The following SPAG11A variants were observed in gnomAD, a reference collection of about 807,000 sequenced individuals.
The protein encoded by SPAG11A is sperm associated antigen 11A.
In SPAG11A, 2 loss-of-function variants were observed where a neutral mutation model predicts 5.5. The observed-to-expected ratio is 0.37, with a 90% CI of 0.15 to 1.15. The LOEUF is 1.15. Ranked by LOEUF, SPAG11A falls within the 50% of genes most tolerant of loss-of-function variation. The pLI is 0.38. For missense variants in SPAG11A, 24 were observed against 122.5 expected (o/e 0.20, Z 3.80); for synonymous variants, 11 against 42.7 (o/e 0.26, Z 2.90).
At chr8:7,860,219 T>G (rs1300885725) in intron 2 of SPAG11A, 2 of 743,784 alleles carry the variant, frequency 2.7e-6, no homozygotes, top group East Asian at 4.3e-5. Flanking sequence ...CTTTTCGTTG[T>G]AGGACATAAA....
chr8:7,860,039 G>C (rs1320706542), intron 2 of SPAG11A, among the ~76,000 whole-genome samples: 1 of 150,686 alleles, frequency 6.6e-6, no homozygotes, highest in East Asian at 2.0e-4. Flanking sequence ...TGTTGCTGCT[G>C]TTGTTGCTGC....
intron 2 of SPAG11A, among the ~76,000 whole-genome samples, chr8:7,852,723 C>G (rs1369995885): frequency 1.3e-5 from 2 of 149,178 alleles, no homozygotes; most frequent in African/African-American, 2.4e-5. Context: ...TTCCCTTTCT[C>G]TGGAATGCCT....
At chr8:7,854,519 A>C (rs2737563) in intron 2 of SPAG11A, among the ~76,000 whole-genome samples, 28,084 of 133,914 alleles carry the variant, frequency 0.21, 479 homozygotes, top group East Asian at 0.34. Flanking sequence ...GGATTCATAA[A>C]AAACAGGTAG....
In SPAG11A at chr8:7,860,460, C is replaced by A. The variant is rs748392904; in HGVS notation, c.215-186C>A. ...AAAACACACCCTATCATCCTCCTGG[C>A]AACATTTCAGATATAAATTATCGTT... On this transcript the variant is annotated intron_variant, in intron 2 of 2. Transcript: ENST00000642566. 1.9e-5 allele frequency: 27 copies of A among 1,417,164 alleles called. 10 individuals are homozygous for A. In the East Asian group the frequency reaches 7.9e-4, roughly 42 times the overall value. The allele number at this position is 1,417,164 out of a possible 1,614,324, so 87.8% of individuals were successfully genotyped here. A position where few individuals can be genotyped will look rare whatever the true frequency, so the allele number is the denominator to read the frequency against.
At chr8:7,852,625 G>T (rs529973893) in intron 2 of SPAG11A, among the ~76,000 whole-genome samples, 1 of 152,082 alleles carries the variant, frequency 6.6e-6, no homozygotes, top group African/African-American at 2.4e-5. Context: ...GAGCCACCGC[G>T]CCCGGCCAGG....
chr8:7,860,575 T>C lies in SPAG11A; in HGVS notation c.215-71T>C, dbSNP rs576947752. On this transcript the variant is annotated intron_variant, in intron 2 of 2. Transcript: ENST00000642566. ...TGTCAGAATATATAACCCTTGGCAG[T>C]GGGCTGGGTTCATCTTCTATTCTCT... 2.5e-3 allele frequency: 3,500 copies of C among 1,382,016 alleles called. 307 individuals are homozygous for C. In the African/African-American group the frequency reaches 0.037, roughly 15 times the overall value. The allele number at this position is 1,382,016 out of a possible 1,614,324, so 85.6% of individuals were successfully genotyped here.
chr8:7,863,536 G>A (rs1818277977), downstream of SPAG11A: 1 of 1,603,946 alleles, frequency 6.2e-7, no homozygotes, highest in South Asian at 1.1e-5. Flanking sequence ...CTGTGGATAA[G>A]GAGAGTAGAG....
At chr8:7,859,564 T>C (rs1381904917) in intron 2 of SPAG11A, among the ~76,000 whole-genome samples, 1 of 9,864 alleles carries the variant, frequency 1.0e-4, no homozygotes, top group East Asian at 6.8e-3. Context: ...AAGGAAGTTA[T>C]AGTCATATGA....
rs12063 is a variant in SPAG11A at position 7,860,665 on chromosome 8, T to A, written c.234T>A (p.Ile78=). The change falls in exon 3 of 3, where the codon ATT becomes ATA. Residue 78 remains isoleucine (I), a synonymous_variant. Coordinates refer to ENST00000642566, the Ensembl canonical transcript of SPAG11A. Reference sequence around the variant, plus strand: ...CCATAGGGGATGTTCCACTGGGAATTAGAAATACCATCTGCCGTATGCAGC... The same window carrying A: ...CCATAGGGGATGTTCCACTGGGAATAAGAAATACCATCTGCCGTATGCAGC... 4 of 1,496,642 alleles carry A rather than the reference T, an allele frequency of 2.7e-6. No homozygotes were observed. The Admixed American group carries it at 5.5e-5, about 21-fold the overall frequency. 92.7% of individuals were successfully genotyped at this position (1,496,642 alleles called of 1,614,324 possible). A position where few individuals can be genotyped will look rare whatever the true frequency, so the allele number is the denominator to read the frequency against.
intron 2 of SPAG11A, among the ~76,000 whole-genome samples, chr8:7,849,607 T>TGC (rs2128926567): frequency 1.2e-5 from 1 of 83,860 alleles, no homozygotes; most frequent in African/African-American, 4.5e-5. Context: ...AATAAAGTCC[T>TGC]GCTGAATTTG....
chr8:7,857,638 A>G (rs190684760), intron 2 of SPAG11A, among the ~76,000 whole-genome samples: 958 of 75,992 alleles, frequency 0.013, 14 homozygotes, highest in African/African-American at 0.032. Context: ...TTTTTTTTTG[A>G]TGGAGGGTCA....
At chr8:7,863,603 G>C (rs1818280886), downstream of SPAG11A, 1 of 1,601,958 alleles carries the variant, frequency 6.2e-7, no homozygotes, top group Non-Finnish European at 8.5e-7. Context: ...GGCCCAGGTG[G>C]ATCGGCTTCA....
chr8:7,860,515 G>A lies in SPAG11A; in HGVS notation c.215-131G>A, dbSNP rs1818173329. ...TTTTAAAGCTAAGAGGCCAAAGTTC[G>A]GTTAAACTGGGGCTTGTCCAAAAAT... On this transcript the variant is annotated intron_variant, in intron 2 of 2. Transcript: ENST00000642566. The A allele has an allele frequency of 2.2e-5, 30 of 1,347,820 alleles. 4 individuals are homozygous for A. Among genetic ancestry groups the A allele is most frequent in the African/African-American group, 1.2e-4 (8 of 69,378 alleles). The allele number at this position is 1,347,820 out of a possible 1,614,324, so 83.5% of individuals were successfully genotyped here.
chr8:7,859,916 G>A (rs1818139172), intron 2 of SPAG11A, among the ~76,000 whole-genome samples: 1 of 143,698 alleles, frequency 7.0e-6, no homozygotes, highest in African/African-American at 2.5e-5. Flanking sequence ...TCTCCTCCAA[G>A]CTGTGACAGG....
At chr8:7,852,791 T>C (rs1817985380) in intron 2 of SPAG11A, among the ~76,000 whole-genome samples, 2 of 139,344 alleles carry the variant, frequency 1.4e-5, no homozygotes, top group South Asian at 4.9e-4. Flanking sequence ...AACCATAATT[T>C]TCATGCTTTT....
At chr8:7,852,443 C>T (rs1205127429) in intron 2 of SPAG11A, among the ~76,000 whole-genome samples, 1 of 152,178 alleles carries the variant, frequency 6.6e-6, no homozygotes, top group African/African-American at 2.4e-5. Flanking sequence ...AGCAATTCTC[C>T]TGCCTCAGCC....
At chr8:7,852,337 G>T (rs1244634905) in intron 2 of SPAG11A, among the ~76,000 whole-genome samples, 1 of 152,076 alleles carries the variant, frequency 6.6e-6, no homozygotes, top group Non-Finnish European at 1.5e-5. Context: ...TTTTGAGACA[G>T]AGTTTCACCC....
At chr8:7,861,444 C>T (rs529641697), downstream of SPAG11A, among the ~76,000 whole-genome samples, 24 of 146,654 alleles carry the variant, frequency 1.6e-4, 1 homozygote, top group Non-Finnish European at 3.5e-4. Context: ...GCTAGCAATT[C>T]ATAAATGGCA....
chr8:7,863,213 A>ATGTTTTT, downstream of SPAG11A, among the ~76,000 whole-genome samples: 1 of 7,540 alleles, frequency 1.3e-4, no homozygotes, highest in Non-Finnish European at 2.9e-4. Context: ...TGCAGATGGG[A>ATGTTTTT]TTTTTTTTTT....
Sources: allele counts gnomAD v4.1 joint callset (sites outside exome capture counted in the v4.1 genomes callset), GRCh38; gene constraint gnomAD v4.1.1; transcripts MANE v1.5; gene names NCBI Gene and HGNC (gene_info 2026-07-23, HGNC 2026-07-21).